The following GRM7 variants were observed in gnomAD, a reference collection of about 807,000 sequenced individuals.
GRM7 encodes metabotropic glutamate receptor 7.
GRM7 carries 35 observed loss-of-function variants against 84.5 expected under a neutral mutation model. The observed-to-expected ratio is 0.41, with a 90% CI of 0.32 to 0.55. The LOEUF (loss-of-function observed/expected upper bound fraction) is 0.55. Among genes scored for constraint, GRM7 ranks in the 20% least tolerant of loss-of-function variants. The probability of loss-of-function intolerance (pLI) is 0.19; values close to 1 mark genes in which losing one functional copy is unlikely to be tolerated. For missense variants in GRM7, 1,003 were observed against 1,194.6 expected (o/e 0.84, Z 2.36); for synonymous variants, 487 against 455.1 (o/e 1.07, Z -0.89).
At chr3:7,487,944 C>T (rs1309924903) in intron 7 of GRM7, among the ~76,000 whole-genome samples, 2 of 152,158 alleles carry the variant, frequency 1.3e-5, no homozygotes, top group Non-Finnish European at 2.9e-5. Context: ...GGGCTGTACC[C>T]AGCAAAGCCA....
At chr3:7,507,684 T>C (rs1464837498) in intron 7 of GRM7, among the ~76,000 whole-genome samples, 3 of 152,204 alleles carry the variant, frequency 2.0e-5, no homozygotes, top group African/African-American at 4.8e-5. Flanking sequence ...CTGGTAGTTA[T>C]GATTGAGGAA....
At chr3:7,027,086 T>G (rs922287049) in intron 1 of GRM7, among the ~76,000 whole-genome samples, 2 of 152,234 alleles carry the variant, frequency 1.3e-5, no homozygotes, top group African/African-American at 4.8e-5. Context: ...CCACCTCTTA[T>G]TGAAGTTATT....
rs1184243957 is a variant in GRM7, at chr3:7,452,680, T to C, written c.1248T>C (p.Tyr416=). 6.2e-7 allele frequency: 1 copy of C among 1,613,378 alleles called. No individual in the cohort carries two copies. Among genetic ancestry groups the C allele is most frequent in the South Asian group, 1.1e-5 (1 of 91,070 alleles). The change falls in exon 6 of 10, where the codon TAT becomes TAC. Residue 416 remains tyrosine, a synonymous_variant. Transcript: ENST00000357716. The part of the protein sequence containing the change: ...GKVQFVIDAV[Y]AMAHALHHMN... ...TCCAGTTCGTGATTGACGCAGTCTA[T>C]GCTATGGCTCACGCCCTTCACCACA...
chr3:7,453,382 G>A (rs1287598166), intron 6 of GRM7, among the ~76,000 whole-genome samples: 1 of 152,108 alleles, frequency 6.6e-6, no homozygotes, highest in Admixed American at 6.6e-5. Context: ...TGCAATGACA[G>A]TGGCAAACCC....
At chr3:7,288,038 T>G (rs1575122769) in intron 2 of GRM7, among the ~76,000 whole-genome samples, 2 of 152,298 alleles carry the variant, frequency 1.3e-5, no homozygotes, top group East Asian at 3.9e-4. Flanking sequence ...AGTAATGTTT[T>G]CTTTATATTT....
At chr3:7,302,284 C>A (rs1168684633) in intron 3 of GRM7, among the ~76,000 whole-genome samples, 1 of 152,058 alleles carries the variant, frequency 6.6e-6, no homozygotes, top group Non-Finnish European at 1.5e-5. Flanking sequence ...TTTATACATA[C>A]ACAAATTTTC....
chr3:6,864,008 A>C (rs1279539877), intron 1 of GRM7, among the ~76,000 whole-genome samples: 4 of 152,106 alleles, frequency 2.6e-5, no homozygotes, highest in African/African-American at 9.7e-5. Context: ...CTAGTGGTGA[A>C]AAAAGGGGTG....
chr3:7,718,663 G>A (rs375278560), intron 9 of GRM7, among the ~76,000 whole-genome samples: 8 of 152,128 alleles, frequency 5.3e-5, no homozygotes, highest in African/African-American at 1.7e-4. Flanking sequence ...CAGAAGACCA[G>A]GCCTACCTGG....
chr3:7,244,882 A>T (rs1697698784), intron 2 of GRM7, among the ~76,000 whole-genome samples: 1 of 152,066 alleles, frequency 6.6e-6, no homozygotes, highest in African/African-American at 2.4e-5. Flanking sequence ...GCTTTAAATG[A>T]CTTAAGCATA....
chr3:6,968,961 A>G (rs1693632141), intron 1 of GRM7, among the ~76,000 whole-genome samples: 1 of 152,198 alleles, frequency 6.6e-6, no homozygotes, highest in Non-Finnish European at 1.5e-5. Context: ...CAAAAATTGA[A>G]TGTTGACAAC....
At chr3:6,980,949 A>G (rs925880174) in intron 1 of GRM7, among the ~76,000 whole-genome samples, 2 of 152,170 alleles carry the variant, frequency 1.3e-5, no homozygotes, top group Non-Finnish European at 2.9e-5. Flanking sequence ...ATGCTAAACT[A>G]GAAGGGATGT....
intron 7 of GRM7, among the ~76,000 whole-genome samples, chr3:7,489,734 A>G (rs757823975): frequency 2.0e-5 from 3 of 152,134 alleles, no homozygotes; most frequent in Non-Finnish European, 4.4e-5. Flanking sequence ...TAGTATGAAT[A>G]TATGCTCTTC....
chr3:6,919,323 T>G (rs1339759815), intron 1 of GRM7, among the ~76,000 whole-genome samples: 1 of 151,390 alleles, frequency 6.6e-6, no homozygotes, highest in African/African-American at 2.4e-5. Flanking sequence ...CCCAGCCGCC[T>G]AAGTAGCTGC....
chr3:7,080,997 A>G (rs567118403), intron 1 of GRM7, among the ~76,000 whole-genome samples: 2 of 152,150 alleles, frequency 1.3e-5, no homozygotes, highest in South Asian at 2.1e-4. Context: ...GTGGTTTTCT[A>G]TGCATCTCCT....
chr3:6,948,269 G>T (rs557921732), intron 1 of GRM7, among the ~76,000 whole-genome samples: 1 of 152,104 alleles, frequency 6.6e-6, no homozygotes, highest in Admixed American at 6.5e-5. Flanking sequence ...TGTTCTCATT[G>T]GTTTCAAAGA....
At chr3:7,239,779 G>A (rs945523692) in intron 2 of GRM7, among the ~76,000 whole-genome samples, 3 of 152,154 alleles carry the variant, frequency 2.0e-5, no homozygotes, top group Non-Finnish European at 2.9e-5. Context: ...AGCTTTAAGA[G>A]TTAAGGCCTT....
At chr3:7,642,726 C>T (rs562488360) in intron 8 of GRM7, among the ~76,000 whole-genome samples, 8 of 152,254 alleles carry the variant, frequency 5.3e-5, no homozygotes, top group South Asian at 4.1e-4. Flanking sequence ...CAAACAATCA[C>T]GTCTTAACTG....
chr3:7,461,604 T>A lies in GRM7; in HGVS notation c.1397T>A (p.Met466Lys). Residue 466 changes from methionine to lysine, a missense_variant, in exon 7 of 10, where the codon ATG becomes AAG. This residue lies in a region of GRM7 where 910 missense variants were observed against 1,126.0 expected (regional missense o/e 0.81). Coordinates refer to ENST00000357716, the MANE Select transcript of GRM7 (RefSeq NM_000844.4). ...NFNGSAGTPV[M>K]FNKNGDAPGR... ...TTAGGTAGTGCTGGCACTCCAGTGA[T>A]GTTTAACAAGAACGGGGATGCACCT... 1.2e-6 allele frequency: 2 copies of A among 1,613,090 alleles called. No homozygotes were observed. The highest frequency in any genetic ancestry group is 1.7e-6 in the Non-Finnish European group (2 of 1,179,082).
intron 8 of GRM7, among the ~76,000 whole-genome samples, chr3:7,638,888 A>G (rs776796853): frequency 6.6e-6 from 1 of 152,224 alleles, no homozygotes; most frequent in Non-Finnish European, 1.5e-5. Context: ...ATGATTTGGC[A>G]GAATCTCCCA....
Sources: allele counts gnomAD v4.1 joint callset (sites outside exome capture counted in the v4.1 genomes callset), GRCh38; gene constraint gnomAD v4.1.1; regional missense constraint gnomAD v4.1.1; transcripts MANE v1.5; gene names NCBI Gene and HGNC (gene_info 2026-07-23, HGNC 2026-07-21).